PRKN: variants seen among roughly 807,000 people sequenced by gnomAD.
PRKN encodes the protein parkin RBR E3 ubiquitin protein ligase, also known as E3 ubiquitin-protein ligase parkin.
Under a neutral mutation model 59.5 loss-of-function variants are expected in PRKN, and 56 were observed. The ratio of observed to expected loss-of-function variants is 0.94; its 90% CI spans 0.76 to 1.18. The LOEUF (loss-of-function observed/expected upper bound fraction) is 1.18, where lower values mean the gene tolerates loss of function less well. PRKN is among the 50% of genes most tolerant of loss of function. PRKN has a pLI of 0.00. For missense variants in PRKN, 657 were observed against 596.4 expected, an observed-to-expected ratio of 1.10 and a Z score of -1.06; for synonymous variants, 250 against 222.1, an observed-to-expected ratio of 1.13 and a Z score of -1.12.
At chr6:162,441,642 G>A (rs1178576325) in intron 2 of PRKN, among the ~76,000 whole-genome samples, 1 of 152,090 alleles carries the variant, frequency 6.6e-6, no homozygotes, top group Non-Finnish European at 1.5e-5. Context: ...CGGTTTTAGG[G>A]CTCATAAATA....
chr6:162,376,527 G>A (rs1352050417), intron 2 of PRKN, among the ~76,000 whole-genome samples: 1 of 151,522 alleles, frequency 6.6e-6, no homozygotes, highest in African/African-American at 2.4e-5. Flanking sequence ...GCACTGAGGA[G>A]CCGAAGTCAT....
At chr6:161,727,605 T>A (rs1166118502) in intron 7 of PRKN, among the ~76,000 whole-genome samples, 1 of 152,240 alleles carries the variant, frequency 6.6e-6, no homozygotes, top group African/African-American at 2.4e-5. Context: ...AAATGCTTGC[T>A]GTGATCATCC....
chr6:162,046,361 A>C (rs1050379127), intron 5 of PRKN, among the ~76,000 whole-genome samples: 1 of 152,244 alleles, frequency 6.6e-6, no homozygotes, highest in Admixed American at 6.5e-5. Context: ...GTGCGATACA[A>C]ACTATAGAAC....
chr6:161,400,401 A>G lies in PRKN; in HGVS notation c.1084-13524T>C, dbSNP rs1786975761. 6.6e-6 allele frequency among the ~76,000 whole-genome samples: 1 copy of G among 151,392 alleles called. No homozygotes were observed. Among genetic ancestry groups the G allele is most frequent in the African/African-American group, 2.4e-5 (1 of 41,132 alleles). On this transcript the variant is annotated intron_variant, in intron 9 of 11. Transcript: ENST00000366898. The surrounding 1 kb of genome is among the most constrained non-coding windows in gnomAD (Gnocchi z 4.2). ...CCGCTCACTGCAACCTGTACCTCCC[A>G]GGTTCAAGCAATTCTCCTGCCTCAG...
chr6:161,675,053 T>C (rs1235741402), intron 7 of PRKN, among the ~76,000 whole-genome samples: 1 of 152,224 alleles, frequency 6.6e-6, no homozygotes, highest in East Asian at 1.9e-4. Context: ...CACAAGGGCT[T>C]GCTCTGGTTT....
chr6:162,131,665 A>G (rs963088970), intron 4 of PRKN, among the ~76,000 whole-genome samples: 11 of 152,210 alleles, frequency 7.2e-5, no homozygotes, highest in African/African-American at 2.7e-4. Flanking sequence ...TTTAATTTTA[A>G]AAAGCCAGTA....
At chr6:161,500,844 G>A (rs1777931733) in intron 9 of PRKN, among the ~76,000 whole-genome samples, 1 of 150,384 alleles carries the variant, frequency 6.6e-6, no homozygotes, top group Non-Finnish European at 1.5e-5. Flanking sequence ...AGATCATATG[G>A]TAAGCGTATG....
intron 6 of PRKN, among the ~76,000 whole-genome samples, chr6:161,885,534 G>C (rs183138376): frequency 6.6e-6 from 1 of 151,878 alleles, no homozygotes; most frequent in Non-Finnish European, 1.5e-5. Context: ...GCGTGGTGGC[G>C]GGCCCCTGTA....
intron 7 of PRKN, among the ~76,000 whole-genome samples, chr6:161,648,514 T>C (rs563134687): frequency 7.2e-5 from 11 of 152,320 alleles, no homozygotes; most frequent in African/African-American, 2.2e-4. Context: ...GCCAGCCCTA[T>C]AGTTCTTAAT....
intron 6 of PRKN, among the ~76,000 whole-genome samples, chr6:161,903,256 A>G (rs762666686): frequency 6.7e-6 from 1 of 150,306 alleles, no homozygotes; most frequent in Admixed American, 6.6e-5. Context: ...GTGAGGAGAC[A>G]CTGGTAGCTT....
At chr6:161,541,849 A>G (rs1484443414) in intron 9 of PRKN, among the ~76,000 whole-genome samples, 1 of 152,158 alleles carries the variant, frequency 6.6e-6, no homozygotes, top group Non-Finnish European at 1.5e-5. Flanking sequence ...CAGTATAATT[A>G]TTTCATATTT....
chr6:161,787,477 T>C (rs540286553), intron 6 of PRKN, among the ~76,000 whole-genome samples: 1 of 152,326 alleles, frequency 6.6e-6, no homozygotes, highest in African/African-American at 2.4e-5. Flanking sequence ...TGCGACCCTA[T>C]GAAGCTGCTG....
intron 7 of PRKN, among the ~76,000 whole-genome samples, chr6:161,726,132 C>T (rs1322126337): frequency 6.6e-6 from 1 of 152,202 alleles, no homozygotes; most frequent in Non-Finnish European, 1.5e-5. Context: ...TGCTATGAGA[C>T]ACTCATTCCT....
chr6:162,712,701 A>G (rs1336316669), intron 1 of PRKN, among the ~76,000 whole-genome samples: 2 of 152,260 alleles, frequency 1.3e-5, no homozygotes, highest in Non-Finnish European at 2.9e-5. Context: ...CACATAGGGC[A>G]TATGATAGAA....
intron 7 of PRKN, among the ~76,000 whole-genome samples, chr6:161,709,202 A>G (rs1786638650): frequency 6.6e-6 from 1 of 152,206 alleles, no homozygotes; most frequent in Non-Finnish European, 1.5e-5. Context: ...TTGGGAAAGG[A>G]GATCTCTGCT....
intron 6 of PRKN, among the ~76,000 whole-genome samples, chr6:161,884,976 C>CAA (rs35244761): frequency 2.2e-5 from 3 of 133,534 alleles, no homozygotes; most frequent in Non-Finnish European, 3.3e-5. Flanking sequence ...ACTTTATTTA[C>CAA]AAAAAAAAAA....
chr6:161,665,019 C>A (rs914267259), intron 7 of PRKN, among the ~76,000 whole-genome samples: 44 of 151,948 alleles, frequency 2.9e-4, no homozygotes, highest in African/African-American at 1.1e-3. Flanking sequence ...AACTCCTGAC[C>A]TCGTGATCCA....
In PRKN at chr6:161,353,120, C is replaced by A. The variant is rs1784625956; in HGVS notation, c.1286-2909G>T. ...TACACAGTCCCTGGCTTATAACTCCCATAGCTCTTGTTACAGTCTTTTGTC... is the reference window on the plus strand; with the variant it reads ...TACACAGTCCCTGGCTTATAACTCCAATAGCTCTTGTTACAGTCTTTTGTC... On this transcript the variant is annotated intron_variant, in intron 11 of 11. Transcript: ENST00000366898. The surrounding 1 kb of genome is among the most constrained non-coding windows in gnomAD (Gnocchi z 4.8). Among the ~76,000 whole-genome samples, 2 of 152,122 alleles carry A rather than the reference C, an allele frequency of 1.3e-5. No individual in the cohort carries two copies. The highest frequency in any genetic ancestry group is 4.1e-4 in the South Asian group (2 of 4,828).
intron 5 of PRKN, among the ~76,000 whole-genome samples, chr6:162,031,596 T>C (rs942786656): frequency 2.6e-5 from 4 of 151,102 alleles, no homozygotes; most frequent in Non-Finnish European, 5.9e-5. Flanking sequence ...TGTACAATCA[T>C]GCAATCTCAG....
Sources: gnomAD v4.1 joint callset for allele counts (sites outside exome capture counted in the v4.1 genomes callset) on GRCh38, gnomAD v4.1.1 for gene constraint, Gnocchi (gnomAD v3.1) non-coding constraint, MANE v1.5 for transcripts, NCBI Gene and HGNC (gene_info 2026-07-23, HGNC 2026-07-21) for gene names.